The following PARD3B variants were observed in gnomAD, a reference collection of about 807,000 sequenced individuals.
The protein encoded by PARD3B is partitioning defective 3 homolog B.
A neutral mutation model predicts 130.2 loss-of-function variants in PARD3B; 103 were observed. That is an observed-to-expected ratio of 0.79 (90% CI 0.67 to 0.93). PARD3B has a LOEUF of 0.93. Ranked by LOEUF, PARD3B falls within the 40% of genes least tolerant of loss-of-function variation. The pLI, the probability that PARD3B is intolerant of heterozygous loss-of-function variation, is 0.00. For missense variants in PARD3B, 1,609 were observed against 1,499.2 expected, an observed-to-expected ratio of 1.07 and a Z score of -1.21; for synonymous variants, 583 against 553.2, an observed-to-expected ratio of 1.05 and a Z score of -0.76.
At chr2:205,049,958 T>A (rs1397185418) in intron 4 of PARD3B, among the ~76,000 whole-genome samples, 2 of 152,078 alleles carry the variant, frequency 1.3e-5, no homozygotes, top group African/African-American at 4.8e-5. Flanking sequence ...GTGGCACATC[T>A]TAGGTGTCTC....
At chr2:204,621,890 C>T (rs2034313996) in intron 1 of PARD3B, among the ~76,000 whole-genome samples, 6 of 152,140 alleles carry the variant, frequency 3.9e-5, no homozygotes, top group Admixed American at 3.9e-4. Flanking sequence ...CAATTACTTT[C>T]CTGTTTGAAA....
At chr2:205,222,827 A>G (rs1010258047) in intron 15 of PARD3B, among the ~76,000 whole-genome samples, 3 of 150,448 alleles carry the variant, frequency 2.0e-5, no homozygotes, top group African/African-American at 7.4e-5. Flanking sequence ...CCTAGGAGCA[A>G]TCTTGCACAA....
intron 2 of PARD3B, among the ~76,000 whole-genome samples, chr2:204,807,923 A>C (rs2042832452): frequency 6.6e-6 from 1 of 152,066 alleles, no homozygotes; most frequent in Non-Finnish European, 1.5e-5. Flanking sequence ...ACAGTCAACC[A>C]TAATTTATTG....
At chr2:205,016,916 A>G (rs1438715725) in intron 3 of PARD3B, among the ~76,000 whole-genome samples, 3 of 152,224 alleles carry the variant, frequency 2.0e-5, no homozygotes, top group African/African-American at 4.8e-5. Flanking sequence ...AAACTTGTAT[A>G]TGGTTAACTT....
At chr2:204,872,807 T>C (rs1260068383) in intron 2 of PARD3B, among the ~76,000 whole-genome samples, 1 of 152,222 alleles carries the variant, frequency 6.6e-6, no homozygotes, top group African/African-American at 2.4e-5. Flanking sequence ...CTCTACACCA[T>C]CTTGCTTTTT....
At chr2:204,784,351 A>C (rs1035261137) in intron 2 of PARD3B, among the ~76,000 whole-genome samples, 50 of 152,110 alleles carry the variant, frequency 3.3e-4, no homozygotes, top group Non-Finnish European at 3.5e-4. Flanking sequence ...ATGACTTTGA[A>C]GATGCGAGGG....
chr2:205,455,424 T>C (rs1238800360), intron 20 of PARD3B, among the ~76,000 whole-genome samples: 2 of 152,112 alleles, frequency 1.3e-5, no homozygotes, highest in African/African-American at 4.8e-5. Flanking sequence ...TAATGTAATA[T>C]ATGCTGATAT....
At position 205,225,396 on chromosome 2, in the gene PARD3B, T is replaced by G. The variant is rs553271597; in HGVS notation, c.2141-20382T>G. On this transcript the variant is annotated intron_variant, in intron 15 of 22. Coordinates refer to ENST00000406610, the MANE Select transcript of PARD3B (RefSeq NM_001302769.2). ...CCTTTTACTATACCTGTTTGCCATTTTTATGTCTTGAGAAATATCTGTGCA... is the reference window on the plus strand; with the variant it reads ...CCTTTTACTATACCTGTTTGCCATTGTTATGTCTTGAGAAATATCTGTGCA... 4.0e-3 allele frequency among the ~76,000 whole-genome samples: 604 copies of G among 152,244 alleles called. 2 individuals are homozygous for G. The highest frequency in any genetic ancestry group is 0.014 in the Middle Eastern group (4 of 294).
At chr2:204,647,838 A>G (rs568029961) in intron 1 of PARD3B, among the ~76,000 whole-genome samples, 2 of 151,888 alleles carry the variant, frequency 1.3e-5, no homozygotes, top group African/African-American at 4.8e-5. Context: ...TGTAACAGAA[A>G]GGCAGAACAT....
chr2:205,358,286 G>A (rs2044267708), intron 18 of PARD3B, among the ~76,000 whole-genome samples: 1 of 152,294 alleles, frequency 6.6e-6, no homozygotes, highest in Middle Eastern at 3.4e-3. Flanking sequence ...ATTACTCAAA[G>A]ATCCCCACAG....
rs1454111749 is a variant in PARD3B, at chr2:204,689,065, T to C, written c.222+2783T>C. On this transcript the variant is annotated intron_variant, in intron 2 of 22. Transcript: ENST00000406610. The surrounding 1 kb of genome is among the most constrained non-coding windows in gnomAD (Gnocchi z 5.2). ...AAGCAGGGGAGGCTGGGCCATTTAG[T>C]GTATGGTAACACCATCCCATACACT... 6.6e-6 allele frequency among the ~76,000 whole-genome samples: 1 copy of C among 152,148 alleles called. No individual in the cohort carries two copies. Among genetic ancestry groups the C allele is most frequent in the East Asian group, 1.9e-4 (1 of 5,176 alleles).
intron 1 of PARD3B, among the ~76,000 whole-genome samples, chr2:204,641,748 G>C (rs914715339): frequency 8.5e-5 from 13 of 152,180 alleles, no homozygotes; most frequent in African/African-American, 3.1e-4. Flanking sequence ...AACTATTCCA[G>C]TGTTTAGAAT....
intron 2 of PARD3B, among the ~76,000 whole-genome samples, chr2:204,950,119 T>C (rs1689645340): frequency 6.6e-6 from 1 of 152,190 alleles, no homozygotes; most frequent in African/African-American, 2.4e-5. Context: ...AGGCACAGAA[T>C]AATGTGAAGA....
chr2:205,531,474 A>G (rs556743595), intron 21 of PARD3B, among the ~76,000 whole-genome samples: 2 of 152,202 alleles, frequency 1.3e-5, no homozygotes, highest in South Asian at 4.2e-4. Context: ...CTCCTGTCAT[A>G]TTGCATTTAT....
rs1381028485 is a variant in PARD3B, at chr2:205,550,931, GTGTGTGTGTGTATATATATA to G, written c.3181-2387_3181-2368del. The stretch of plus-strand genomic sequence containing the variant: ...TATAAATACATATAATTATGTGTGT[GTGTGTGTGTGTATATATATA>G]TGTGTATATATATATATATATATAT... On this transcript the variant is annotated intron_variant, in intron 21 of 22. Transcript: ENST00000406610. This position sits in a 1 kb window ranked among gnomAD's most constrained non-coding sequence, Gnocchi z 4.5. 1.1e-5 allele frequency among the ~76,000 whole-genome samples: 1 copy of G among 93,044 alleles called. No individual in the cohort carries two copies. Among genetic ancestry groups the G allele is most frequent in the African/African-American group, 3.8e-5 (1 of 26,254 alleles). The allele number at this position is 93,044 out of a possible 152,430, so 61.0% of individuals were successfully genotyped here.
chr2:204,881,043 A>T (rs2046026416), intron 2 of PARD3B, among the ~76,000 whole-genome samples: 1 of 152,226 alleles, frequency 6.6e-6, no homozygotes, highest in South Asian at 2.1e-4. Flanking sequence ...AACTTCTCCC[A>T]TCTTGACAAA....
intron 4 of PARD3B, among the ~76,000 whole-genome samples, chr2:205,079,052 C>G (rs1701240591): frequency 6.6e-6 from 1 of 152,176 alleles, no homozygotes; most frequent in Admixed American, 6.5e-5. Flanking sequence ...TTCCTGAATC[C>G]CTGACCCACA....
rs71032461 is a variant in PARD3B, at chr2:205,322,889, C to CTTTTTTTTTTTTTTTTTT, written c.2630+21213_2630+21230dup. Among the ~76,000 whole-genome samples, 5 of 51,468 alleles carry CTTTTTTTTTTTTTTTTTT rather than the reference C, an allele frequency of 9.7e-5. 1 individual carries two copies. The highest frequency in any genetic ancestry group is 1.4e-3 in the East Asian group (2 of 1,474). The allele number at this position is 51,468 out of a possible 152,430, so 33.8% of individuals were successfully genotyped here. ...TGTTGTTATATCATTATTAACACCT[C>CTTTTTTTTTTTTTTTTTT]TTTTTTTTTTTTTTTTTTTTTTTTT... On this transcript the variant is annotated intron_variant, in intron 18 of 22. Transcript: ENST00000406610.
intron 1 of PARD3B, among the ~76,000 whole-genome samples, chr2:204,567,639 C>G (rs144189545): frequency 6.6e-6 from 1 of 152,310 alleles, no homozygotes; most frequent in African/African-American, 2.4e-5. Flanking sequence ...GTTCCTTCCA[C>G]TTTTGGTTAT....
Sources: allele counts gnomAD v4.1 joint callset (sites outside exome capture counted in the v4.1 genomes callset), GRCh38; gene constraint gnomAD v4.1.1; non-coding constraint Gnocchi (gnomAD v3.1); transcripts MANE v1.5; gene names NCBI Gene and HGNC (gene_info 2026-07-23, HGNC 2026-07-21).